Variants in FAM136A observed in about 807,000 individuals in gnomAD.
The protein encoded by FAM136A is TIM double twin CX3C motif chaperone, also known as TIM double twin CX3C motif protein.
A neutral mutation model predicts 21.6 loss-of-function variants in FAM136A; 25 were observed. That is an observed-to-expected ratio of 1.16 (90% CI 0.84 to 1.62). The LOEUF is 1.62. Among genes scored for constraint, FAM136A ranks in the 40% most tolerant of loss-of-function variants. The pLI, the probability that FAM136A is intolerant of heterozygous loss-of-function variation, is 0.00. For synonymous variants in FAM136A, 119 were observed against 129.4 expected, an observed-to-expected ratio of 0.92 and a Z score of 0.55; for missense variants, 338 against 332.0, an observed-to-expected ratio of 1.02 and a Z score of -0.14.
At chr2:70,299,141 T>G (rs1045991699) in intron 2 of FAM136A, among the ~76,000 whole-genome samples, 3 of 152,186 alleles carry the variant, frequency 2.0e-5, no homozygotes, top group African/African-American at 7.2e-5. Flanking sequence ...GGCAGTAACT[T>G]TGAAGCGTTT....
chr2:70,297,362 A>C lies in FAM136A; in HGVS notation c.665T>G (p.Val222Gly), dbSNP rs533206742. 9.9e-6 allele frequency: 16 copies of C among 1,614,062 alleles called. No individual in the cohort carries two copies. In the Admixed American group the frequency reaches 1.3e-4, roughly 13 times the overall value. The change falls in exon 3 of 3, where the codon GTG becomes GGG. Residue 222 changes from valine to glycine, a missense_variant. Physicochemically the swap from Val to Gly is moderately radical, Grantham distance 109. Transcript: ENST00000430566. ...TGGGATGAGGTGCATGTGGTCATCC[A>C]CACACTTGGTCACACAACTGTCCAG... ...QQLDSCVTKCVDDHMHLIPTM... is the reference protein window; with the variant it reads ...QQLDSCVTKCGDDHMHLIPTM...
chr2:70,301,463 A>G, intron 1 of FAM136A, 141 bp downstream of exon 1: 1 of 1,535,614 alleles, frequency 6.5e-7, no homozygotes, highest in Non-Finnish European at 8.7e-7. Flanking sequence ...TCAGAGAAGA[A>G]CAGTGTAGAA....
At position 70,302,037 on chromosome 2, in the gene FAM136A, C is replaced by T. The variant is rs368234666; in HGVS notation, c.-26G>A. 2.3e-4 allele frequency: 351 copies of T among 1,553,820 alleles called. No homozygotes were observed. Among genetic ancestry groups the T allele is most frequent in the Non-Finnish European group, 2.3e-4 (267 of 1,156,384 alleles). On this transcript the variant is annotated 5_prime_UTR_variant, in exon 1 of 3. Coordinates refer to ENST00000430566, the MANE Select transcript of FAM136A (RefSeq NM_001329752.2). Reference sequence around the variant, plus strand: ...GGCGACCCCGCGCTGCCCCGCGGCGCTCCGCGCCGGCGCCCATATGGAATC... The same window carrying T: ...GGCGACCCCGCGCTGCCCCGCGGCGTTCCGCGCCGGCGCCCATATGGAATC...
rs1243753492 is a variant in FAM136A at position 70,300,933 on chromosome 2, G to A, written c.456C>T (p.Ala152=). 5.0e-6 allele frequency: 8 copies of A among 1,613,242 alleles called. No individual in the cohort carries two copies. Among genetic ancestry groups the A allele is most frequent in the African/African-American group, 1.3e-5 (1 of 74,892 alleles). The change falls in exon 2 of 3, where the codon GCC becomes GCT. Residue 152 remains alanine (A), a synonymous_variant. Transcript: ENST00000430566. ...CSASCCEDSQ[A]SMKQVHQCIE... ...TGCACTGGTGCACCTGCTTCATGGA[G>A]GCCTGGCTGTCCTCACAACAGCTGG...
intron 2 of FAM136A, among the ~76,000 whole-genome samples, chr2:70,298,659 T>G (rs1453567840): frequency 6.6e-6 from 1 of 152,138 alleles, no homozygotes; most frequent in Non-Finnish European, 1.5e-5. Flanking sequence ...GCATAGAGAT[T>G]ATATTTACAG....
chr2:70,301,968 G>C lies in FAM136A; in HGVS notation c.44C>G (p.Ser15Cys), dbSNP rs758300764. The change falls in exon 1 of 3, where the codon TCC (serine) becomes TGC (cysteine). Residue 15 changes from serine to cysteine, a missense_variant. Ser to Cys is a moderately radical substitution (Grantham distance 112). Transcript: ENST00000430566. The stretch of plus-strand genomic sequence containing the variant: ...CTCTCTTTCCAGACTCTTCACCATG[G>C]ACTCCACCGCCTCCTGCACCCGGAG... ...QQLRVQEAVE[S>C]MVKSLERENI... 1.1e-5 allele frequency: 17 copies of C among 1,608,418 alleles called. No individual in the cohort carries two copies. Among genetic ancestry groups the C allele is most frequent in the Non-Finnish European group, 1.4e-5 (17 of 1,178,570 alleles).
Position 70,296,966 on chromosome 2 carries a change from A to G in FAM136A, c.*323T>C, listed in dbSNP as rs1173654281. 1 of 216,346 alleles carries G rather than the reference A, an allele frequency of 4.6e-6. No individual in the cohort carries two copies. Among genetic ancestry groups the G allele is most frequent in the African/African-American group, 2.3e-5 (1 of 43,866 alleles). 13.4% of individuals were successfully genotyped at this position (216,346 alleles called of 1,614,324 possible). A position where few individuals can be genotyped will look rare whatever the true frequency, so the allele number is the denominator to read the frequency against. The stretch of plus-strand genomic sequence containing the variant: ...CCAGCCTGTTAGTACCTGTGTAGTA[A>G]GAAGAGTCTGGTACCTTGGAGGGCT... On this transcript the variant is annotated 3_prime_UTR_variant, in exon 3 of 3. Transcript: ENST00000430566.
At position 70,302,025 on chromosome 2, in the gene FAM136A, T is replaced by TGCCCCGCGGCGCTCCGCGCC; in HGVS notation, c.-34_-15dup. On this transcript the variant is annotated 5_prime_UTR_variant, in exon 1 of 3. Transcript: ENST00000430566. ...CAGCTCAGCCATGGCGACCCCGCGC[T>TGCCCCGCGGCGCTCCGCGCC]GCCCCGCGGCGCTCCGCGCCGGCGC... 1 of 1,571,060 alleles carries TGCCCCGCGGCGCTCCGCGCC rather than the reference T, an allele frequency of 6.4e-7. No individual in the cohort carries two copies. Among genetic ancestry groups the TGCCCCGCGGCGCTCCGCGCC allele is most frequent in the African/African-American group, 1.4e-5 (1 of 70,094 alleles).
intron 2 of FAM136A, among the ~76,000 whole-genome samples, chr2:70,299,628 T>G (rs1475157579): frequency 6.6e-6 from 1 of 152,234 alleles, no homozygotes; most frequent in African/African-American, 2.4e-5. Context: ...TGAGACGGAG[T>G]CTCGCTCTGT....
intron 2 of FAM136A, among the ~76,000 whole-genome samples, chr2:70,300,300 T>TAACTGCATGAACTG (rs1332309211): frequency 6.6e-6 from 1 of 152,138 alleles, no homozygotes; most frequent in Non-Finnish European, 1.5e-5. Context: ...GGGCTCTTGG[T>TAACTGCATGAACTG]CATGAACTCC....
At chr2:70,301,572 G>A (rs2104942539) in intron 1 of FAM136A, 32 bp downstream of exon 1, 1 of 1,535,966 alleles carries the variant, frequency 6.5e-7, no homozygotes, top group South Asian at 1.2e-5. Context: ...TTTCACGTTG[G>A]CAGCGCCTCT....
At chr2:70,297,607 G>C in intron 2 of FAM136A, 130 bp from the exon 3 acceptor site, 1 of 563,842 alleles carries the variant, frequency 1.8e-6, no homozygotes, top group Non-Finnish European at 2.8e-6. Flanking sequence ...GGACATGGTA[G>C]TGTGATTGGC....
At position 70,301,698 on chromosome 2, in the gene FAM136A, C is replaced by CT. The variant is rs777313741; in HGVS notation, c.313dup (p.Ser105LysfsTer44). 303 of 1,535,428 alleles carry CT rather than the reference C, an allele frequency of 2.0e-4. 4 individuals are homozygous for CT. The South Asian group carries it at 3.5e-3, about 18-fold the overall frequency. ...CCGCCGAGGACGCTCCTGCCCCGGG[C>CT]TGGAAGGGGCGGAAAACAGCCTCGC... On this transcript the variant is annotated frameshift_variant, in exon 1 of 3. Coordinates refer to ENST00000430566, the MANE Select transcript of FAM136A (RefSeq NM_001329752.2). LOFTEE classifies it high-confidence loss of function.
At chr2:70,300,027 G>A (rs914814591) in intron 2 of FAM136A, among the ~76,000 whole-genome samples, 4 of 150,722 alleles carry the variant, frequency 2.7e-5, no homozygotes, top group Admixed American at 6.6e-5. Context: ...TCAGCCTCCC[G>A]AGTAGCTGGG....
At position 70,296,802 on chromosome 2, in the gene FAM136A, T is replaced by C. The variant is rs966399250; in HGVS notation, c.*487A>G. 6.6e-6 allele frequency: 1 copy of C among 152,438 alleles called. No homozygotes were observed. The highest frequency in any genetic ancestry group is 1.5e-5 in the Non-Finnish European group (1 of 68,240). 9.4% of individuals were successfully genotyped at this position (152,438 alleles called of 1,614,324 possible). On this transcript the variant is annotated 3_prime_UTR_variant, in exon 3 of 3. Transcript: ENST00000430566. ...TCAAGAAAACAAAGACCCAGAAAAC[T>C]TTCTTTCCCTTCTAAGTTAGTGACC...
At chr2:70,298,772 G>A (rs1214967563) in intron 2 of FAM136A, among the ~76,000 whole-genome samples, 1 of 152,200 alleles carries the variant, frequency 6.6e-6, no homozygotes, top group African/African-American at 2.4e-5. Context: ...GGAAGAGAGA[G>A]CAAAGGAGGC....
chr2:70,297,942 T>A (rs1253739946), intron 2 of FAM136A, among the ~76,000 whole-genome samples: 3 of 150,958 alleles, frequency 2.0e-5, no homozygotes, highest in African/African-American at 7.3e-5. Flanking sequence ...TGTTTGGCTT[T>A]CCAAGACTGT....
chr2:70,300,940 C>T lies in FAM136A; in HGVS notation c.449G>A (p.Ser150Asn), dbSNP rs1574009790. The change falls in exon 2 of 3, where the codon AGC becomes AAC. Residue 150 changes from serine to asparagine, a missense_variant. By Grantham distance (46) the Ser-to-Asn change is conservative. Coordinates refer to ENST00000430566, the MANE Select transcript of FAM136A (RefSeq NM_001329752.2). ...GTGCACCTGCTTCATGGAGGCCTGGCTGTCCTCACAACAGCTGGCGCTGCA... is the reference window on the plus strand; with the variant it reads ...GTGCACCTGCTTCATGGAGGCCTGGTTGTCCTCACAACAGCTGGCGCTGCA... ...FRCSASCCED[S>N]QASMKQVHQC... 2.5e-6 allele frequency: 4 copies of T among 1,613,412 alleles called. No homozygotes were observed. Among genetic ancestry groups the T allele is most frequent in the Non-Finnish European group, 3.4e-6 (4 of 1,179,338 alleles).
In FAM136A at chr2:70,295,993, C is replaced by T. The variant is rs1337142649; in HGVS notation, c.*1296G>A. The T allele has an allele frequency of 6.6e-6, 1 of 152,492 alleles. No homozygotes were observed. The highest frequency in any genetic ancestry group is 1.5e-5 in the Non-Finnish European group (1 of 68,022). The allele number at this position is 152,492 out of a possible 1,614,324, so 9.4% of individuals were successfully genotyped here. On this transcript the variant is annotated 3_prime_UTR_variant, in exon 3 of 3. Coordinates refer to ENST00000430566, the MANE Select transcript of FAM136A (RefSeq NM_001329752.2). ...CTCAATAGTGGGGAGAAAATTAAAC[C>T]TTATTTATTTTTAAAGTCAAACCAC... is the stretch of plus-strand genomic sequence containing the variant.
Sources: gnomAD v4.1 joint callset for allele counts (sites outside exome capture counted in the v4.1 genomes callset) on GRCh38, gnomAD v4.1.1 for gene constraint, MANE v1.5 for transcripts, NCBI Gene and HGNC (gene_info 2026-07-23, HGNC 2026-07-21) for gene names.